HHATL: variants seen among roughly 807,000 people sequenced by gnomAD.
HHATL encodes protein-cysteine N-palmitoyltransferase HHAT-like protein.
In HHATL, 49 loss-of-function variants were observed where a neutral mutation model predicts 59.7. The observed-to-expected ratio is 0.82, with a 90% CI of 0.65 to 1.04. HHATL has a LOEUF of 1.04. Among genes scored for constraint, HHATL ranks in the 50% least tolerant of loss-of-function variants. The probability of loss-of-function intolerance (pLI) is 0.00; values close to 1 mark genes in which losing one functional copy is unlikely to be tolerated. For synonymous variants in HHATL, 238 were observed against 257.3 expected (o/e 0.93, Z 0.72); for missense variants, 605 against 650.8 (o/e 0.93, Z 0.77).
rs770759404 is a variant in HHATL, at chr3:42,699,789, C to T, written c.143G>A (p.Arg48Gln). Residue 48 changes from arginine to glutamine, a missense_variant, in exon 3 of 12, where the codon CGA (arginine) becomes CAA (glutamine). Physicochemically the swap from Arg to Gln is conservative, Grantham distance 43 (BLOSUM62 1). Transcript: ENST00000441594. Reference protein sequence around the residue: ...AHRKAFRESVRPGWEYIGRKM... With the variant: ...AHRKAFRESVQPGWEYIGRKM... ...CCGGCCAATGTACTCCCAGCCAGGT[C>T]GCACAGACTCCCGGAAGGCCTTCCT... The T allele has an allele frequency of 5.1e-6, 8 of 1,577,776 alleles. No individual in the cohort carries two copies. Among genetic ancestry groups the T allele is most frequent in the South Asian group, 3.5e-5 (3 of 85,974 alleles).
In HHATL at chr3:42,701,165, A is replaced by C; in HGVS notation, c.-13-326T>G. On this transcript the variant is annotated intron_variant, in intron 1 of 11. Coordinates refer to ENST00000441594, the MANE Select transcript of HHATL (RefSeq NM_020707.4). This position sits in a 1 kb window ranked among gnomAD's most constrained non-coding sequence, Gnocchi z 5.1. ...GGCACCGGCCCCACCCTCTGCCAAA[A>C]CCGCTCCTGCCAAGGCCCCCATGAC... The C allele has an allele frequency of 3.5e-6, 1 of 282,102 alleles. No homozygotes were observed. 17.5% of individuals were successfully genotyped at this position (282,102 alleles called of 1,614,324 possible). A position where few individuals can be genotyped will look rare whatever the true frequency, so the allele number is the denominator to read the frequency against.
At position 42,692,842 on chromosome 3, in the gene HHATL, A is replaced by T. The variant is rs570352216; in HGVS notation, c.1424T>A (p.Val475Asp). The change falls in exon 12 of 12, where the codon GTC becomes GAC. Residue 475 changes from valine to aspartate, a missense_variant. Transcript: ENST00000441594. ...TACCAGCTGGACGCCACAGTAGGTGACAAACAGGATGGACAGCGTGGTCTG... is the reference window on the plus strand; with the variant it reads ...TACCAGCTGGACGCCACAGTAGGTGTCAAACAGGATGGACAGCGTGGTCTG... ...FPQTTLSILF[V>D]TYCGVQLVKE... The T allele has an allele frequency of 6.2e-7, 1 of 1,614,198 alleles. No homozygotes were observed. Among genetic ancestry groups the T allele is most frequent in the African/African-American group, 1.3e-5 (1 of 75,052 alleles).
Position 42,700,284 on chromosome 3 carries a change from GTGTA to G in HHATL, c.106+433_106+436del, listed in dbSNP as rs1247567431. Among the ~76,000 whole-genome samples the G allele has an allele frequency of 1.0e-4, 15 of 149,134 alleles. No homozygotes were observed. The East Asian group carries it at 2.6e-3, about 26-fold the overall frequency. On this transcript the variant is annotated intron_variant, in intron 2 of 11. Coordinates refer to ENST00000441594, the MANE Select transcript of HHATL (RefSeq NM_020707.4). ...TGTGTCTGGGTCCAGGTCTCTGTGTGTGTATGTGTGTGTGTGTGTGTTGGGGGGT... is the reference window on the plus strand; with the variant it reads ...TGTGTCTGGGTCCAGGTCTCTGTGTGTGTGTGTGTGTGTGTGTTGGGGGGT...
intron 9 of HHATL, 62 bp from the exon 10 acceptor site, chr3:42,693,880 G>T: frequency 7.1e-7 from 1 of 1,407,002 alleles, no homozygotes; most frequent in Non-Finnish European, 1.0e-6. Flanking sequence ...TGAGATGGGA[G>T]AGGACACACA....
rs1697854301 is a variant in HHATL at position 42,699,785 on chromosome 3, A to C, written c.147T>G (p.Pro49=). 6.3e-7 allele frequency: 1 copy of C among 1,579,540 alleles called. No individual in the cohort carries two copies. Among genetic ancestry groups the C allele is most frequent in the Admixed American group, 1.8e-5 (1 of 55,882 alleles). Residue 49 remains proline, a synonymous_variant, in exon 3 of 12, where the codon CCT becomes CCG. Coordinates refer to ENST00000441594, the MANE Select transcript of HHATL (RefSeq NM_020707.4). ...TCTTCCGGCCAATGTACTCCCAGCC[A>C]GGTCGCACAGACTCCCGGAAGGCCT... ...HRKAFRESVR[P]GWEYIGRKMD...
At chr3:42,694,786 A>G (rs1163177043) in intron 9 of HHATL, among the ~76,000 whole-genome samples, 1 of 151,996 alleles carries the variant, frequency 6.6e-6, no homozygotes, top group Non-Finnish European at 1.5e-5. Flanking sequence ...TTCAAATATC[A>G]TCTCCTCAGA....
Position 42,698,355 on chromosome 3 carries a change from G to A in HHATL, c.484-4C>T, listed in dbSNP as rs370156172. 5.0e-6 allele frequency: 8 copies of A among 1,608,910 alleles called. No homozygotes were observed. The highest frequency in any genetic ancestry group is 4.0e-5 in the African/African-American group (3 of 74,808). On this transcript the variant is annotated splice_region_variant and splice_polypyrimidine_tract_variant and intron_variant, in intron 5 of 11. Coordinates refer to ENST00000441594, the MANE Select transcript of HHATL (RefSeq NM_020707.4). The stretch of plus-strand genomic sequence containing the variant: ...AAGTGCCTGTTACAAACCCGCTCTG[G>A]AGGGGGAAAGAACAGGCCACCAGCT...
At chr3:42,700,658 G>T in intron 2 of HHATL, 63 bp downstream of exon 2, 1 of 1,117,170 alleles carries the variant, frequency 9.0e-7, no homozygotes, top group Non-Finnish European at 1.3e-6. Context: ...TTTGCTGGTT[G>T]GAACCCTGAG....
intron 10 of HHATL, 78 bp downstream of exon 10, chr3:42,693,539 G>T: frequency 1.6e-6 from 2 of 1,272,950 alleles, no homozygotes; most frequent in Non-Finnish European, 1.1e-6. Flanking sequence ...CCAGGTGTTT[G>T]GACAACTCCA....
chr3:42,698,465 C>T (rs1029907721), intron 5 of HHATL, 114 bp from the exon 6 acceptor site: 3 of 1,071,564 alleles, frequency 2.8e-6, no homozygotes, highest in Non-Finnish European at 4.0e-6. Context: ...GTCCCTTCCT[C>T]TCTTCCAGAG....
rs1055625230 is a variant in HHATL, at chr3:42,701,691, C to G, written c.-13-852G>C. The stretch of plus-strand genomic sequence containing the variant: ...TCCCTCCAGCGGGGGCCTAGCTTGT[C>G]CCCTGGAGAACTGCTGGGCCGTACT... On this transcript the variant is annotated intron_variant, in intron 1 of 11. Coordinates refer to ENST00000441594, the MANE Select transcript of HHATL (RefSeq NM_020707.4). The surrounding 1 kb of genome is among the most constrained non-coding windows in gnomAD (Gnocchi z 5.1). 6.6e-6 allele frequency among the ~76,000 whole-genome samples: 1 copy of G among 152,222 alleles called. No homozygotes were observed. The highest frequency in any genetic ancestry group is 1.5e-5 in the Non-Finnish European group (1 of 68,034).
chr3:42,693,863 G>T, intron 9 of HHATL, 45 bp from the exon 10 acceptor site: 1 of 1,525,672 alleles, frequency 6.6e-7, no homozygotes, highest in Non-Finnish European at 9.1e-7. Context: ...GTGGGAAAGG[G>T]CAGGGATGAG....
rs150423655 is a variant in HHATL, at chr3:42,700,801, G to A, written c.26C>T (p.Ala9Val). MGIKTALP[A>V]AELGLYSLVL... is the part of the protein sequence containing the mutation. ...CAGAGAGTAGAGGCCCAGCTCAGCC[G>A]CCGGCAATGCTGTCTTGATGCCCAT... Residue 9 changes from alanine to valine, a missense_variant, in exon 2 of 12, where the codon GCG (alanine) becomes GTG (valine). By Grantham distance (64) the Ala-to-Val change is moderately conservative. Coordinates refer to ENST00000441594, the MANE Select transcript of HHATL (RefSeq NM_020707.4). 204 of 1,613,798 alleles carry A rather than the reference G, an allele frequency of 1.3e-4. No individual in the cohort carries two copies. Among genetic ancestry groups the A allele is most frequent in the Non-Finnish European group, 1.7e-4 (196 of 1,179,786 alleles).
Position 42,696,879 on chromosome 3 carries a change from T to C in HHATL, c.1011-2A>G. 6.2e-7 allele frequency: 1 copy of C among 1,614,076 alleles called. No homozygotes were observed. Among genetic ancestry groups the C allele is most frequent in the Non-Finnish European group, 8.5e-7 (1 of 1,180,000 alleles). ...TCGTTGATGCCACGGTCAAAGTGCC[T>C]GTAAGAGGAAAGCAGATGGGCATGT... is the stretch of plus-strand genomic sequence containing the variant. On this transcript the variant is annotated splice_acceptor_variant, in intron 8 of 11. Transcript: ENST00000441594. LOFTEE classifies it high-confidence loss of function.
intron 1 of HHATL, among the ~76,000 whole-genome samples, chr3:42,702,131 A>C (rs1698022677): frequency 6.6e-6 from 1 of 152,298 alleles, no homozygotes; most frequent in African/African-American, 2.4e-5. Context: ...GCCCCTGCCC[A>C]CAGCAGAGGC....
rs538263815 is a variant in HHATL, at chr3:42,701,678, G to A, written c.-13-839C>T. Reference sequence around the variant, plus strand: ...TGAGTCTCACCACTCCCTCCAGCGGGGGCCTAGCTTGTCCCCTGGAGAACT... The same window carrying A: ...TGAGTCTCACCACTCCCTCCAGCGGAGGCCTAGCTTGTCCCCTGGAGAACT... On this transcript the variant is annotated intron_variant, in intron 1 of 11. Coordinates refer to ENST00000441594, the MANE Select transcript of HHATL (RefSeq NM_020707.4). This position sits in a 1 kb window ranked among gnomAD's most constrained non-coding sequence, Gnocchi z 5.1. Among the ~76,000 whole-genome samples, 3 of 152,332 alleles carry A rather than the reference G, an allele frequency of 2.0e-5. No individual in the cohort carries two copies. In the South Asian group the frequency reaches 6.2e-4, roughly 32 times the overall value.
Position 42,697,644 on chromosome 3 carries a change from C to A in HHATL, c.729G>T (p.Glu243Asp). 1 of 1,614,024 alleles carries A rather than the reference C, an allele frequency of 6.2e-7. No homozygotes were observed. The highest frequency in any genetic ancestry group is 8.5e-7 in the Non-Finnish European group (1 of 1,179,926). Residue 243 changes from glutamate to aspartate, a missense_variant, in exon 7 of 12, where the codon GAG (glutamate) becomes GAT (aspartate). Glu to Asp is a conservative substitution (Grantham distance 45). Transcript: ENST00000441594. ...CTGCCTGGGCTCGGATGTGCCACAGCTCACCCTCGCGTCTCACTGGCTCCA... is the reference window on the plus strand; with the variant it reads ...CTGCCTGGGCTCGGATGTGCCACAGATCACCCTCGCGTCTCACTGGCTCCA... ...SQVEPVRREG[E>D]LWHIRAQAGL...
rs1285815644 is a variant in HHATL, at chr3:42,701,501, C to T, written c.-13-662G>A. The T allele has an allele frequency of 6.6e-6, 1 of 152,552 alleles. No individual in the cohort carries two copies. Among genetic ancestry groups the T allele is most frequent in the East Asian group, 1.9e-4 (1 of 5,200 alleles). The allele number at this position is 152,552 out of a possible 1,614,324, so 9.4% of individuals were successfully genotyped here. On this transcript the variant is annotated intron_variant, in intron 1 of 11. Coordinates refer to ENST00000441594, the MANE Select transcript of HHATL (RefSeq NM_020707.4). The surrounding 1 kb of genome is among the most constrained non-coding windows in gnomAD (Gnocchi z 5.1). ...TGACCACACTGCCCCACTCTCTCAG[C>T]GCTCTGTGTATTCAGGCCCTGGGCA...
intron 5 of HHATL, 147 bp downstream of exon 5, chr3:42,698,561 A>G: frequency 2.8e-6 from 3 of 1,055,978 alleles, no homozygotes; most frequent in Non-Finnish European, 4.1e-6. Flanking sequence ...GCAGGTGCTC[A>G]CCTTGTGGCC....
Sources: allele counts gnomAD v4.1 joint callset (sites outside exome capture counted in the v4.1 genomes callset), GRCh38; gene constraint gnomAD v4.1.1; non-coding constraint Gnocchi (gnomAD v3.1); transcripts MANE v1.5; gene names NCBI Gene and HGNC (gene_info 2026-07-23, HGNC 2026-07-21).